FBXL5: variants seen among roughly 807,000 people sequenced by gnomAD.
FBXL5 encodes the protein F-box and leucine rich repeat protein 5.
FBXL5 carries 26 observed loss-of-function variants against 78.3 expected under a neutral mutation model. That is an observed-to-expected ratio of 0.33 (90% CI 0.24 to 0.46). The LOEUF is 0.46. Ranked by LOEUF, FBXL5 falls within the 20% of genes least tolerant of loss-of-function variation. FBXL5 has a pLI of 1.00. For synonymous variants in FBXL5, 295 were observed against 282.5 expected, an observed-to-expected ratio of 1.04 and a Z score of -0.45; for missense variants, 710 against 829.2, an observed-to-expected ratio of 0.86 and a Z score of 1.77.
chr4:15,679,948 T>C (rs1425460613), intron 1 of FBXL5, among the ~76,000 whole-genome samples: 1 of 152,246 alleles, frequency 6.6e-6, no homozygotes, highest in Non-Finnish European at 1.5e-5. Context: ...ATGTATTCAC[T>C]GAAGAGTTGT....
rs184911396 is a variant in FBXL5 at position 15,626,288 on chromosome 4, A to T, written c.1125-311T>A. ...AAGTAAGGCTGCAAACACATGAAAG[A>T]AAGAGAATAACCGACGGTTAATGAG... On this transcript the variant is annotated intron_variant, in intron 8 of 10. Transcript: ENST00000341285. 9.2e-5 allele frequency among the ~76,000 whole-genome samples: 14 copies of T among 152,348 alleles called. No homozygotes were observed. In the East Asian group the frequency reaches 2.5e-3, roughly 27 times the overall value.
chr4:15,641,453 A>C, intron 2 of FBXL5: 1 of 364,410 alleles, frequency 2.7e-6, no homozygotes, highest in South Asian at 2.2e-5. Context: ...ATCCACTTCC[A>C]CTTAATAAAT....
intron 1 of FBXL5, among the ~76,000 whole-genome samples, chr4:15,654,645 A>G (rs187743568): frequency 2.7e-3 from 413 of 152,354 alleles, no homozygotes; most frequent in Non-Finnish European, 5.1e-3. Flanking sequence ...CAAACCAGTG[A>G]AGAAAGCCGG....
At chr4:15,677,938 CTG>C (rs34529280) in intron 1 of FBXL5, among the ~76,000 whole-genome samples, 97,252 of 151,746 alleles carry the variant, frequency 0.64, 31,282 homozygotes, top group Non-Finnish European at 0.66. Flanking sequence ...AGCGCTTAAC[CTG>C]TGTGGCAACT....
intron 4 of FBXL5, 114 bp from the exon 5 acceptor site, chr4:15,636,790 T>C: frequency 1.4e-6 from 1 of 693,578 alleles, no homozygotes; most frequent in Non-Finnish European, 2.3e-6. Context: ...TCCTTCCTGC[T>C]TGCAAGATGT....
intron 2 of FBXL5, among the ~76,000 whole-genome samples, chr4:15,643,343 C>CA (rs1308173159): frequency 5.3e-5 from 8 of 152,190 alleles, no homozygotes; most frequent in African/African-American, 1.9e-4. Context: ...GGTGGCTTAA[C>CA]AGAGTTGTAA....
In FBXL5 at chr4:15,638,583, C is replaced by T. The variant is rs746618816; in HGVS notation, c.508G>A (p.Gly170Ser). The change falls in exon 4 of 11, where the codon GGT becomes AGT. Residue 170 changes from glycine to serine, a missense_variant. Gly to Ser is a moderately conservative substitution (Grantham distance 56). Transcript: ENST00000341285. ...TCAGCATGATTCCATAGGCTAAGAC[C>T]TCTAAGGAGTTCTGCAGTATCCTTC... ...SQKDTAELLRGLSLWNHAEER... is the reference protein window; with the variant it reads ...SQKDTAELLRSLSLWNHAEER... The T allele has an allele frequency of 2.5e-6, 4 of 1,613,304 alleles. No individual in the cohort carries two copies. The highest frequency in any genetic ancestry group is 2.2e-5 in the East Asian group (1 of 44,844).
At chr4:15,655,692 A>G (rs895331986), upstream of FBXL5, among the ~76,000 whole-genome samples, 4 of 152,216 alleles carry the variant, frequency 2.6e-5, no homozygotes, top group African/African-American at 9.6e-5. Flanking sequence ...GAGGAGAGGC[A>G]GCCAAGCACA....
chr4:15,612,200 T>C (rs1165962786), intron 10 of FBXL5, 66 bp downstream of exon 10: 4 of 1,287,462 alleles, frequency 3.1e-6, no homozygotes, highest in African/African-American at 3.4e-5. Flanking sequence ...GGAAAAATTA[T>C]TAGAACTGCT....
rs934118454 is a variant in FBXL5, at chr4:15,638,085, T to C, written c.583+423A>G. Reference sequence around the variant, plus strand: ...AAACATAACTAATTTTGAAAACCAATGAAAAAAACACAAGGAAAGAGAAAA... The same window carrying C: ...AAACATAACTAATTTTGAAAACCAACGAAAAAAACACAAGGAAAGAGAAAA... On this transcript the variant is annotated intron_variant, in intron 4 of 10. Transcript: ENST00000341285. Among the ~76,000 whole-genome samples the C allele has an allele frequency of 2.6e-5, 4 of 151,962 alleles. No homozygotes were observed. The East Asian group carries it at 5.8e-4, about 22-fold the overall frequency.
intron 1 of FBXL5, among the ~76,000 whole-genome samples, chr4:15,668,220 G>A (rs1717626854): frequency 6.6e-6 from 1 of 151,018 alleles, no homozygotes; most frequent in South Asian, 2.1e-4. Context: ...TAAATGGTCA[G>A]TTCATTTGTC....
intron 5 of FBXL5, among the ~76,000 whole-genome samples, chr4:15,634,324 G>C (rs1217505594): frequency 1.3e-5 from 2 of 151,972 alleles, no homozygotes; most frequent in African/African-American, 4.8e-5. Context: ...AAGTAACTGG[G>C]ATTACAGGCA....
intron 9 of FBXL5, among the ~76,000 whole-genome samples, chr4:15,615,115 C>T (rs12511894): frequency 0.24 from 36,357 of 152,060 alleles, 4,530 homozygotes; most frequent in Admixed American, 0.29. Flanking sequence ...ACCGGCACCG[C>T]GCTCGATTTC....
intron 10 of FBXL5, among the ~76,000 whole-genome samples, chr4:15,608,405 T>A (rs113179875): frequency 2.0e-5 from 3 of 152,194 alleles, no homozygotes; most frequent in African/African-American, 7.2e-5. Flanking sequence ...TGGGTCATTA[T>A]GCTCCTGAAG....
At chr4:15,672,399 T>G (rs934370655) in intron 1 of FBXL5, among the ~76,000 whole-genome samples, 1 of 152,238 alleles carries the variant, frequency 6.6e-6, no homozygotes, top group African/African-American at 2.4e-5. Context: ...GTGACCATCA[T>G]AGAGTACTTA....
intron 1 of FBXL5, among the ~76,000 whole-genome samples, chr4:15,680,364 A>G (rs555688799): frequency 1.5e-4 from 23 of 152,202 alleles, no homozygotes; most frequent in Non-Finnish European, 2.8e-4. Context: ...TAATCAAAAA[A>G]CAGCTTTAAA....
At chr4:15,624,414 A>T (rs899855019) in intron 9 of FBXL5, among the ~76,000 whole-genome samples, 1 of 152,170 alleles carries the variant, frequency 6.6e-6, no homozygotes, top group African/African-American at 2.4e-5. Flanking sequence ...AAGCAAAATC[A>T]ATCTACATCA....
chr4:15,654,251 T>C (rs563141261), intron 1 of FBXL5, among the ~76,000 whole-genome samples: 9 of 152,356 alleles, frequency 5.9e-5, no homozygotes, highest in African/African-American at 2.2e-4. Flanking sequence ...GAATGCTTTA[T>C]TTAGTTGGAT....
chr4:15,669,057 A>T (rs543612724), intron 1 of FBXL5, among the ~76,000 whole-genome samples: 3 of 152,336 alleles, frequency 2.0e-5, no homozygotes, highest in African/African-American at 7.2e-5. Flanking sequence ...TACAGGATAC[A>T]CCATGTTGTT....
Sources: allele counts gnomAD v4.1 joint callset (sites outside exome capture counted in the v4.1 genomes callset), GRCh38; gene constraint gnomAD v4.1.1; transcripts MANE v1.5; gene names NCBI Gene and HGNC (gene_info 2026-07-23, HGNC 2026-07-21).